The following MMP26 variants were observed in gnomAD, a reference collection of about 807,000 sequenced individuals.
MMP26 encodes the protein matrix metalloproteinase-26.
Under a neutral mutation model 31.0 loss-of-function variants are expected in MMP26, and 33 were observed. That is an observed-to-expected ratio of 1.06 (90% CI 0.81 to 1.42). The LOEUF (loss-of-function observed/expected upper bound fraction) is 1.42, where lower values mean the gene tolerates loss of function less well. Among genes scored for constraint, MMP26 ranks in the 40% most tolerant of loss-of-function variants. The pLI, the probability that MMP26 is intolerant of heterozygous loss-of-function variation, is 0.00. For missense variants in MMP26, 347 were observed against 316.1 expected, an observed-to-expected ratio of 1.10 and a Z score of -0.74; for synonymous variants, 122 against 114.9, an observed-to-expected ratio of 1.06 and a Z score of -0.40.
chr11:4,804,292 A>T, intron 2 of MMP26: 1 of 1,614,096 alleles, frequency 6.2e-7, no homozygotes, highest in Non-Finnish European at 8.5e-7. Flanking sequence ...CGGAAAGGCA[A>T]TCCACAACTG....
At chr11:4,819,224 C>A (rs961768587) in intron 2 of MMP26, among the ~76,000 whole-genome samples, 1 of 152,118 alleles carries the variant, frequency 6.6e-6, no homozygotes, top group Admixed American at 6.6e-5. Context: ...AGACATGGAA[C>A]CTAAACACCA....
intron 1 of MMP26, chr11:4,723,070 A>C (rs1848038110): frequency 1.6e-6 from 2 of 1,245,478 alleles, no homozygotes; most frequent in East Asian, 4.6e-5. Context: ...CCTGGTACCC[A>C]TGCAGCTGTC....
At chr11:4,769,441 C>T (rs11033795) in intron 2 of MMP26, 380,249 of 1,610,662 alleles carry the variant, frequency 0.24, 49,966 homozygotes, top group African/African-American at 0.44. Flanking sequence ...AAAGTAGTGG[C>T]AATATTAGTA....
At chr11:4,834,738 A>C (rs1849692864) in intron 2 of MMP26, among the ~76,000 whole-genome samples, 1 of 152,176 alleles carries the variant, frequency 6.6e-6, no homozygotes, top group South Asian at 2.1e-4. Flanking sequence ...CTTCCTATGT[A>C]TTATGATATA....
intron 1 of MMP26, among the ~76,000 whole-genome samples, chr11:4,737,583 C>T (rs531584397): frequency 2.0e-5 from 3 of 152,160 alleles, no homozygotes; most frequent in African/African-American, 4.8e-5. Flanking sequence ...GCGGAGGTTG[C>T]GGTGAGCCGA....
At chr11:4,851,826 G>T (rs1849979811) in intron 2 of MMP26, among the ~76,000 whole-genome samples, 1 of 151,860 alleles carries the variant, frequency 6.6e-6, no homozygotes. Flanking sequence ...ATAAAAAGAT[G>T]AATTGAAATC....
chr11:4,822,471 C>G, intron 2 of MMP26: 1 of 1,162,286 alleles, frequency 8.6e-7, no homozygotes, highest in Non-Finnish European at 1.1e-6. Flanking sequence ...CTCCAACAGT[C>G]CAAACTAAGC....
intron 2 of MMP26, among the ~76,000 whole-genome samples, chr11:4,865,997 G>A (rs1272542556): frequency 2.0e-5 from 3 of 152,088 alleles, no homozygotes; most frequent in Non-Finnish European, 4.4e-5. Flanking sequence ...CTTGACAACT[G>A]GTTGAATATT....
At chr11:4,915,009 T>G in intron 2 of MMP26, 1 of 1,613,846 alleles carries the variant, frequency 6.2e-7, no homozygotes, top group Middle Eastern at 1.6e-4. Flanking sequence ...GAGAAGAGGA[T>G]GAGCAGTGAG....
chr11:4,769,283 T>G (rs144384528), intron 2 of MMP26: 13 of 1,613,632 alleles, frequency 8.1e-6, no homozygotes, highest in Non-Finnish European at 1.0e-5. Context: ...GCATGGTGTA[T>G]CTATTCCAGT....
intron 2 of MMP26, among the ~76,000 whole-genome samples, chr11:4,839,213 A>ACAGAC (rs1849761477): frequency 6.6e-6 from 1 of 152,058 alleles, no homozygotes; most frequent in Non-Finnish European, 1.5e-5. Flanking sequence ...CCTCACCACC[A>ACAGAC]CAGACCAAAG....
chr11:4,746,832 C>CACACAT (rs1491394541), intron 1 of MMP26, among the ~76,000 whole-genome samples: 29 of 16,244 alleles, frequency 1.8e-3, no homozygotes, highest in African/African-American at 0.012. Flanking sequence ...AAGTCTCTGT[C>CACACAT]ACACACACAC....
chr11:4,910,224 A>C (rs112832912), intron 2 of MMP26, among the ~76,000 whole-genome samples: 30 of 152,114 alleles, frequency 2.0e-4, no homozygotes, highest in African/African-American at 7.2e-4. Flanking sequence ...TTTCATCTTC[A>C]AAGCCAGGAA....
intron 1 of MMP26, among the ~76,000 whole-genome samples, chr11:4,740,124 T>G (rs1848292764): frequency 6.6e-6 from 1 of 152,144 alleles, no homozygotes; most frequent in Admixed American, 6.6e-5. Context: ...AAAATCAGTT[T>G]ATCATTCAGT....
intron 2 of MMP26, among the ~76,000 whole-genome samples, chr11:4,977,998 T>C (rs371149636): frequency 1.3e-5 from 2 of 152,196 alleles, no homozygotes; most frequent in African/African-American, 2.4e-5. Context: ...ATCATGGGGA[T>C]GGTTCCCCCA....
At chr11:4,790,962 T>C (rs1222995205) in intron 2 of MMP26, among the ~76,000 whole-genome samples, 2 of 152,236 alleles carry the variant, frequency 1.3e-5, no homozygotes, top group Non-Finnish European at 2.9e-5. Flanking sequence ...TCTAATTATA[T>C]CTTAACTGCT....
At chr11:4,932,528 A>C (rs944895770) in intron 2 of MMP26, among the ~76,000 whole-genome samples, 2 of 152,190 alleles carry the variant, frequency 1.3e-5, no homozygotes, top group Non-Finnish European at 2.9e-5. Context: ...AGCTAAACTC[A>C]GCAAGCGTCA....
chr11:4,716,137 C>T (rs1466639710), intron 1 of MMP26, among the ~76,000 whole-genome samples: 1 of 152,142 alleles, frequency 6.6e-6, no homozygotes, highest in Non-Finnish European at 1.5e-5. Context: ...AACTAAATTC[C>T]TACGGCAATC....
chr11:4,885,815 T>C (rs1266986621), intron 2 of MMP26, among the ~76,000 whole-genome samples: 2 of 152,148 alleles, frequency 1.3e-5, no homozygotes, highest in Non-Finnish European at 2.9e-5. Context: ...CATTTTATAT[T>C]AGGTTTTACT....
Sources: gnomAD v4.1 joint callset for allele counts (sites outside exome capture counted in the v4.1 genomes callset) on GRCh38, gnomAD v4.1.1 for gene constraint, MANE v1.5 for transcripts, NCBI Gene and HGNC (gene_info 2026-07-23, HGNC 2026-07-21) for gene names.